Variants in RBMS2 observed in about 807,000 individuals in gnomAD.
The protein encoded by RBMS2 is RNA binding motif single stranded interacting protein 2, also known as RNA-binding motif, single-stranded-interacting protein 2.
Under a neutral mutation model 58.4 loss-of-function variants are expected in RBMS2, and 38 were observed. That is an observed-to-expected ratio of 0.65 (90% CI 0.50 to 0.85). RBMS2 has a LOEUF of 0.85. RBMS2 is among the 40% of genes least tolerant of loss of function. The probability of loss-of-function intolerance (pLI) is 0.00; values close to 1 mark genes in which losing one functional copy is unlikely to be tolerated. For synonymous variants in RBMS2, 151 were observed against 180.7 expected (o/e 0.84, Z 1.32); for missense variants, 367 against 503.7 (o/e 0.73, Z 2.60).
chr12:56,595,881 TC>T lies in RBMS2; in HGVS notation c.*6753del, dbSNP rs1008326741. 2 of 124,234 alleles carry T rather than the reference TC, an allele frequency of 1.6e-5. No homozygotes were observed. Among genetic ancestry groups the T allele is most frequent in the African/African-American group, 3.0e-5 (1 of 33,388 alleles). 7.7% of individuals were successfully genotyped at this position (124,234 alleles called of 1,614,324 possible). On this transcript the variant is annotated 3_prime_UTR_variant, in exon 14 of 14. Transcript: ENST00000262031. The stretch of plus-strand genomic sequence containing the variant: ...CAGTCATACCTATCCCAACGCCGTC[TC>T]CCCCTCAGGTGTGTAGAAGGGAAGA...
intron 5 of RBMS2, chr12:56,573,091 C>CT (rs1882564628): frequency 1.0e-6 from 1 of 958,562 alleles, no homozygotes; most frequent in African/African-American, 1.8e-5. Flanking sequence ...AATGACTGGA[C>CT]TAAGTGAGCC....
At chr12:56,553,472 C>T (rs1878656669) in intron 1 of RBMS2, among the ~76,000 whole-genome samples, 2 of 151,886 alleles carry the variant, frequency 1.3e-5, no homozygotes, top group South Asian at 2.1e-4. Context: ...AGATTATAGG[C>T]GCACACCACC....
rs1221156140 is a variant in RBMS2, at chr12:56,591,957, TTTC to T, written c.*2827_*2829del. The T allele has an allele frequency of 6.6e-6, 1 of 152,292 alleles. No individual in the cohort carries two copies. The highest frequency in any genetic ancestry group is 1.9e-4 in the East Asian group (1 of 5,184). 9.4% of individuals were successfully genotyped at this position (152,292 alleles called of 1,614,324 possible). A position where few individuals can be genotyped will look rare whatever the true frequency, so the allele number is the denominator to read the frequency against. On this transcript the variant is annotated 3_prime_UTR_variant, in exon 14 of 14. Transcript: ENST00000262031. ...TGCAGTGGCTAATGGCACTGAGGAA[TTTC>T]TTTTTTGGTGCATTTGGTTTACACT...
intron 1 of RBMS2, among the ~76,000 whole-genome samples, chr12:56,531,689 G>A (rs1010521941): frequency 4.6e-5 from 7 of 151,492 alleles, no homozygotes; most frequent in Non-Finnish European, 5.9e-5. Flanking sequence ...TTAGCTGGGC[G>A]TGGTGGTGGG....
chr12:56,577,122 G>A (rs1262263174), intron 5 of RBMS2, among the ~76,000 whole-genome samples: 1 of 150,632 alleles, frequency 6.6e-6, no homozygotes, highest in Admixed American at 6.6e-5. Flanking sequence ...GTTCATACAA[G>A]GCCAGGGGCA....
At chr12:56,569,217 C>T (rs1881883669) in intron 3 of RBMS2, among the ~76,000 whole-genome samples, 184 bp downstream of exon 3, 1 of 152,168 alleles carries the variant, frequency 6.6e-6, no homozygotes. Flanking sequence ...GCTGAAAATG[C>T]TGTTTAGGGG....
chr12:56,521,502 G>GTTTTTT (rs68129205), upstream of RBMS2, among the ~76,000 whole-genome samples: 572 of 73,144 alleles, frequency 7.8e-3, 48 homozygotes, highest in African/African-American at 0.026. Context: ...CTCTAACTCT[G>GTTTTTT]TTTTTTTTTT....
At chr12:56,572,403 C>G (rs1882459920) in intron 5 of RBMS2, among the ~76,000 whole-genome samples, 1 of 151,634 alleles carries the variant, frequency 6.6e-6, no homozygotes, top group Admixed American at 6.6e-5. Context: ...GTTGCCCAGG[C>G]TGCTCTTGAA....
intron 1 of RBMS2, among the ~76,000 whole-genome samples, chr12:56,533,049 C>T (rs550966313): frequency 2.6e-5 from 4 of 152,170 alleles, no homozygotes; most frequent in Admixed American, 2.6e-4. Flanking sequence ...ATCCTCCCAC[C>T]TCAGCCTCCT....
chr12:56,581,837 T>C lies in RBMS2; in HGVS notation c.737T>C (p.Val246Ala). The C allele has an allele frequency of 6.2e-7, 1 of 1,614,154 alleles. No individual in the cohort carries two copies. The highest frequency in any genetic ancestry group is 8.5e-7 in the Non-Finnish European group (1 of 1,180,000). ...CACTGTGTTCTTTCTTTATAGGGCG[T>C]CATGGCCTTGACCTATGACCCCACC... ...RAWPRNADMG[V>A]MALTYDPTTA... Residue 246 changes from valine to alanine, a missense_variant, in exon 8 of 14, where the codon GTC becomes GCC. Around this residue, in one of 3 missense-constraint regions of RBMS2, gnomAD observed 220 missense variants for 261.1 expected, o/e 0.84. Coordinates refer to ENST00000262031, the MANE Select transcript of RBMS2 (RefSeq NM_002898.4).
At chr12:56,534,826 A>G (rs1874454572) in intron 1 of RBMS2, among the ~76,000 whole-genome samples, 1 of 152,064 alleles carries the variant, frequency 6.6e-6, no homozygotes. Context: ...TATTTTTAGT[A>G]GACACAGATT....
intron 1 of RBMS2, among the ~76,000 whole-genome samples, chr12:56,554,000 T>C (rs1429050663): frequency 6.6e-6 from 1 of 151,040 alleles, no homozygotes; most frequent in African/African-American, 2.4e-5. Flanking sequence ...AATTTTTGTA[T>C]TTTTAGTAGA....
intron 3 of RBMS2, 111 bp from the exon 4 acceptor site, chr12:56,569,788 C>G: frequency 1.1e-6 from 1 of 917,302 alleles, no homozygotes; most frequent in East Asian, 2.4e-5. Flanking sequence ...CTCTTTCTCC[C>G]TCCCATTTCT....
intron 1 of RBMS2, among the ~76,000 whole-genome samples, chr12:56,554,917 T>A (rs1200515307): frequency 6.6e-6 from 1 of 152,154 alleles, no homozygotes; most frequent in Non-Finnish European, 1.5e-5. Flanking sequence ...GCACTATAAT[T>A]TATGTAACCA....
intron 1 of RBMS2, among the ~76,000 whole-genome samples, chr12:56,524,052 C>T (rs1872216264): frequency 2.0e-5 from 3 of 152,120 alleles, no homozygotes; most frequent in Non-Finnish European, 4.4e-5. Flanking sequence ...AGAGGTTTCA[C>T]GTATTTGAAG....
At chr12:56,567,870 C>T (rs552611093) in intron 2 of RBMS2, among the ~76,000 whole-genome samples, 1 of 152,056 alleles carries the variant, frequency 6.6e-6, no homozygotes, top group South Asian at 2.1e-4. Context: ...ACTACAGTTC[C>T]CACTCCCCTC....
intron 7 of RBMS2, 75 bp downstream of exon 7, chr12:56,581,583 G>C: frequency 2.1e-6 from 3 of 1,434,870 alleles, no homozygotes; most frequent in Non-Finnish European, 2.9e-6. Flanking sequence ...CATGATTTCT[G>C]TGAGCTTAGG....
rs1565735507 is a variant in RBMS2 at position 56,539,545 on chromosome 12, T to C, written c.66+17456T>C. 1.0e-5 allele frequency: 3 copies of C among 300,282 alleles called. No homozygotes were observed. The East Asian group carries it at 3.5e-4, about 35-fold the overall frequency. The allele number at this position is 300,282 out of a possible 1,614,324, so 18.6% of individuals were successfully genotyped here. On this transcript the variant is annotated intron_variant, in intron 1 of 13. Coordinates refer to ENST00000262031, the MANE Select transcript of RBMS2 (RefSeq NM_002898.4). ...TTATAAGTATTATTTCTAGCTAAGC[T>C]ATATAATATGCTATGATAATAGTTC...
At chr12:56,541,989 G>A (rs1246854595) in intron 1 of RBMS2, among the ~76,000 whole-genome samples, 1 of 152,096 alleles carries the variant, frequency 6.6e-6, no homozygotes, top group Non-Finnish European at 1.5e-5. Flanking sequence ...AATTTTAAAA[G>A]ATGATACAAG....
Sources: gnomAD v4.1 joint callset for allele counts (sites outside exome capture counted in the v4.1 genomes callset) on GRCh38, gnomAD v4.1.1 for gene constraint, gnomAD v4.1.1 regional missense constraint, MANE v1.5 for transcripts, NCBI Gene and HGNC (gene_info 2026-07-23, HGNC 2026-07-21) for gene names.